REDIC1: variants seen among roughly 807,000 people sequenced by gnomAD.
The protein encoded by REDIC1 is regulator of DNA class I crossover intermediates 1.
chr12:39,776,377 G>A, the REDIC1 span, among the ~76,000 whole-genome samples: 4 of 152,222 alleles, frequency 2.6e-5, no homozygotes, highest in East Asian at 7.7e-4. Context: ...AAACCTGCCT[G>A]CCTGGCCATA....
At chr12:39,879,201 G>T in the REDIC1 span, among the ~76,000 whole-genome samples, 2 of 152,266 alleles carry the variant, frequency 1.3e-5, no homozygotes, top group African/African-American at 2.4e-5. Context: ...GCAGAAGCCT[G>T]CTGCAGGGGC....
At chr12:39,827,776 T>C in the REDIC1 span, among the ~76,000 whole-genome samples, 2 of 152,214 alleles carry the variant, frequency 1.3e-5, no homozygotes, top group Admixed American at 6.5e-5. Context: ...ACTAATCTCA[T>C]AGTTGATTAT....
At chr12:39,801,116 G>T in the REDIC1 span, among the ~76,000 whole-genome samples, 1 of 69,938 alleles carries the variant, frequency 1.4e-5, no homozygotes, top group African/African-American at 5.7e-5. Flanking sequence ...GGAGGGGGGA[G>T]GGATAGCATT....
the REDIC1 span, among the ~76,000 whole-genome samples, chr12:39,763,680 C>T: frequency 3.3e-5 from 5 of 152,022 alleles, no homozygotes; most frequent in African/African-American, 7.2e-5. Flanking sequence ...GCAGGCATTC[C>T]GTCTCTACCA....
chr12:39,682,498 C>G, the REDIC1 span: 9 of 590,278 alleles, frequency 1.5e-5, no homozygotes, highest in Non-Finnish European at 2.3e-5. Flanking sequence ...AAAACATAGT[C>G]TAGGTAAATG....
chr12:39,683,891 G>A, the REDIC1 span, among the ~76,000 whole-genome samples: 2 of 152,000 alleles, frequency 1.3e-5, no homozygotes, highest in Non-Finnish European at 2.9e-5. Context: ...TGCTTGCTTG[G>A]TTGGTATAGA....
the REDIC1 span, among the ~76,000 whole-genome samples, chr12:39,907,350 AT>A: frequency 6.6e-6 from 1 of 152,072 alleles, no homozygotes; most frequent in African/African-American, 2.4e-5. Flanking sequence ...GATTTTCCTA[AT>A]TTTCTCAATG....
the REDIC1 span, among the ~76,000 whole-genome samples, chr12:39,862,526 A>G: frequency 6.6e-6 from 1 of 152,246 alleles, no homozygotes; most frequent in Admixed American, 6.5e-5. Flanking sequence ...ATATGATGTT[A>G]CTAAGATATT....
chr12:39,781,785 G>A, the REDIC1 span, among the ~76,000 whole-genome samples: 1 of 152,210 alleles, frequency 6.6e-6, no homozygotes, highest in African/African-American at 2.4e-5. Flanking sequence ...TTTAGAATGG[G>A]TGGAAAGGAT....
At chr12:39,814,348 A>G in the REDIC1 span, among the ~76,000 whole-genome samples, 1 of 152,190 alleles carries the variant, frequency 6.6e-6, no homozygotes. Flanking sequence ...CTGTTTTTAA[A>G]AACTAGCCTA....
chr12:39,688,805 A>T, the REDIC1 span, among the ~76,000 whole-genome samples: 1,509 of 152,274 alleles, frequency 9.9e-3, 11 homozygotes, highest in Non-Finnish European at 0.017. Context: ...GTACTTGGTG[A>T]TTGGTGATTA....
the REDIC1 span, among the ~76,000 whole-genome samples, chr12:39,680,056 T>G: frequency 1.3e-5 from 2 of 152,278 alleles, no homozygotes; most frequent in South Asian, 4.1e-4. Context: ...GGAAAAACTC[T>G]TCTAGACATT....
the REDIC1 span, among the ~76,000 whole-genome samples, chr12:39,641,702 C>T: frequency 6.6e-6 from 1 of 151,178 alleles, no homozygotes; most frequent in Non-Finnish European, 1.5e-5. Context: ...AGAATATAAG[C>T]AGTAAGATTC....
chr12:39,816,545 G>A, the REDIC1 span, among the ~76,000 whole-genome samples: 8 of 149,554 alleles, frequency 5.3e-5, no homozygotes, highest in African/African-American at 1.2e-4. Flanking sequence ...AAACCTGCAC[G>A]TTGTGCACAT....
At chr12:39,627,771 AATTT>A in the REDIC1 span, among the ~76,000 whole-genome samples, 1 of 152,240 alleles carries the variant, frequency 6.6e-6, no homozygotes, top group Non-Finnish European at 1.5e-5. Flanking sequence ...CAAATCTCTA[AATTT>A]AACGTTTTAT....
chr12:39,663,382 AG>A, the REDIC1 span, among the ~76,000 whole-genome samples: 1 of 151,902 alleles, frequency 6.6e-6, no homozygotes, highest in Admixed American at 6.6e-5. Flanking sequence ...GTTTCTTTGA[AG>A]TGTTTTTGAC....
the REDIC1 span, among the ~76,000 whole-genome samples, chr12:39,754,863 T>C: frequency 2.0e-5 from 3 of 152,076 alleles, no homozygotes; most frequent in African/African-American, 4.8e-5. Flanking sequence ...TTTTAAAAGA[T>C]GATTTATCAT....
chr12:39,640,346 C>T, the REDIC1 span, among the ~76,000 whole-genome samples: 1 of 151,932 alleles, frequency 6.6e-6, no homozygotes, highest in Non-Finnish European at 1.5e-5. Flanking sequence ...GTGCCTTGAT[C>T]TTGGACTTCC....
At chr12:39,767,295 A>C in the REDIC1 span, among the ~76,000 whole-genome samples, 1 of 92,134 alleles carries the variant, frequency 1.1e-5, no homozygotes, top group East Asian at 3.5e-4. Flanking sequence ...AATATTTTGA[A>C]AGGAATCTTT....
Sources: gnomAD v4.1 joint callset for allele counts (sites outside exome capture counted in the v4.1 genomes callset) on GRCh38, gnomAD v4.1.1 for gene constraint, MANE v1.5 for transcripts, NCBI Gene and HGNC (gene_info 2026-07-23, HGNC 2026-07-21) for gene names.